PYGO1: variants seen among roughly 807,000 people sequenced by gnomAD.
PYGO1 encodes the protein pygopus homolog 1.
In PYGO1, 6 loss-of-function variants were observed where a neutral mutation model predicts 29.5. The observed-to-expected ratio is 0.20, with a 90% confidence interval of 0.11 to 0.40. PYGO1 has a LOEUF of 0.40. Among genes scored for constraint, PYGO1 ranks in the 10% least tolerant of loss-of-function variants. The pLI is 1.00. For synonymous variants in PYGO1, 186 were observed against 180.5 expected (o/e 1.03, Z -0.24); for missense variants, 515 against 514.9 (o/e 1.00, Z 0.00).
intron 1 of PYGO1, among the ~76,000 whole-genome samples, chr15:55,557,205 C>T (rs1468704171): frequency 6.6e-6 from 1 of 152,138 alleles, no homozygotes; most frequent in African/African-American, 2.4e-5. Context: ...TGAGAGAATA[C>T]TATAAACACG....
intron 2 of PYGO1, among the ~76,000 whole-genome samples, chr15:55,548,052 C>T (rs534263743): frequency 2.0e-5 from 3 of 152,070 alleles, no homozygotes; most frequent in East Asian, 1.9e-4. Flanking sequence ...CAGAGTCTCA[C>T]GCTGTCACCA....
intron 1 of PYGO1, among the ~76,000 whole-genome samples, chr15:55,557,385 C>G (rs192734305): frequency 6.6e-6 from 1 of 152,074 alleles, no homozygotes; most frequent in African/African-American, 2.4e-5. Context: ...CAGGACCAGA[C>G]GGATTCACAG....
rs2058852559 is a variant in PYGO1 at position 55,546,666 on chromosome 15, G to A, written c.617C>T (p.Pro206Leu). Residue 206 changes from proline (P) to leucine (L), a missense_variant, in exon 3 of 3, where the codon CCT becomes CTT. Coordinates refer to ENST00000563719, the MANE Select transcript of PYGO1 (RefSeq NM_001367806.1). ...SNPDLASNFVPGNNSNFTSPL... is the reference protein window; with the variant it reads ...SNPDLASNFVLGNNSNFTSPL... ...AGAAGTAAAATTTGAATTATTTCCA[G>A]GAACAAAATTAGATGCCAAATCGGG... is the stretch of plus-strand genomic sequence containing the variant. 1 of 1,613,996 alleles carries A rather than the reference G, an allele frequency of 6.2e-7. No individual in the cohort carries two copies. The highest frequency in any genetic ancestry group is 1.3e-5 in the African/African-American group (1 of 74,994).
Position 55,546,398 on chromosome 15 carries a change from T to C in PYGO1, c.885A>G (p.Thr295=), listed in dbSNP as rs770190386. 6.2e-7 allele frequency: 1 copy of C among 1,614,224 alleles called. No homozygotes were observed. Among genetic ancestry groups the C allele is most frequent in the Non-Finnish European group, 8.5e-7 (1 of 1,180,032 alleles). ...GCGTCCCATTTGCAGGGTTATTGTT[T>C]GTGGCTTCAGTGCTACTTGAACGGC... The part of the protein sequence containing the change: ...ENSRSSSTEA[T]NNNPANGTQN... The change falls in exon 3 of 3, where the codon ACA becomes ACG. Residue 295 remains threonine (T), a synonymous_variant. Transcript: ENST00000563719.
intron 1 of PYGO1, among the ~76,000 whole-genome samples, chr15:55,578,350 GT>G (rs1940730617): frequency 6.6e-6 from 1 of 151,766 alleles, no homozygotes. Context: ...GTATAAGCAT[GT>G]TTTCAATCCT....
chr15:55,580,820 G>A (rs535942957), intron 1 of PYGO1, among the ~76,000 whole-genome samples: 4 of 152,156 alleles, frequency 2.6e-5, no homozygotes, highest in African/African-American at 4.8e-5. Flanking sequence ...TAGACCTATC[G>A]GGTTGCCTAA....
intron 1 of PYGO1, among the ~76,000 whole-genome samples, chr15:55,578,543 C>T (rs970376854): frequency 1.8e-4 from 27 of 152,262 alleles, no homozygotes; most frequent in African/African-American, 6.3e-4. Flanking sequence ...ATATAGCCTC[C>T]TAGTGAATGA....
intron 1 of PYGO1, among the ~76,000 whole-genome samples, chr15:55,553,084 G>A (rs575031625): frequency 1.3e-5 from 2 of 152,226 alleles, no homozygotes; most frequent in Non-Finnish European, 2.9e-5. Context: ...CAGTCTGGAC[G>A]AAGGGGAGTG....
chr15:55,583,935 G>A (rs767424328), intron 1 of PYGO1, among the ~76,000 whole-genome samples: 1 of 151,998 alleles, frequency 6.6e-6, no homozygotes, highest in Non-Finnish European at 1.5e-5. Flanking sequence ...CATCACTTAA[G>A]ACAAAAGAAC....
chr15:55,554,968 T>C lies in PYGO1; in HGVS notation c.50-5973A>G, dbSNP rs533129633. Among the ~76,000 whole-genome samples, 586 of 152,092 alleles carry C rather than the reference T, an allele frequency of 3.9e-3. 6 individuals are homozygous for C. The highest frequency in any genetic ancestry group is 0.013 in the African/African-American group (559 of 41,512). On this transcript the variant is annotated intron_variant, in intron 1 of 2. Transcript: ENST00000563719. ...ATCATCCAGGAGAACATCCCCAACC[T>C]AGCAAGACAGGCCAACATTCAAAAT...
rs964840465 is a variant in PYGO1 at position 55,588,066 on chromosome 15, TCGGGGCGG to T, written c.-191_-184del. On this transcript the variant is annotated 5_prime_UTR_variant, in exon 1 of 3. Transcript: ENST00000563719. ...CAAAGTTTGGGAGGAGGACGAGGCC[TCGGGGCGG>T]CGGGGCGGCGGGGCGGCGTGCGGGC... The T allele has an allele frequency of 5.6e-4, 611 of 1,081,726 alleles. 2 individuals are homozygous for T. Among genetic ancestry groups the T allele is most frequent in the South Asian group, 1.7e-3 (40 of 24,166 alleles). The allele number at this position is 1,081,726 out of a possible 1,614,324, so 67.0% of individuals were successfully genotyped here. A position where few individuals can be genotyped will look rare whatever the true frequency, so the allele number is the denominator to read the frequency against.
intron 1 of PYGO1, among the ~76,000 whole-genome samples, chr15:55,554,029 A>C (rs950770498): frequency 6.6e-6 from 1 of 152,206 alleles, no homozygotes; most frequent in African/African-American, 2.4e-5. Flanking sequence ...ACCCCATCCA[A>C]AGGTCAGCAA....
intron 1 of PYGO1, among the ~76,000 whole-genome samples, chr15:55,552,065 C>T (rs1193007205): frequency 6.6e-6 from 1 of 151,900 alleles, no homozygotes; most frequent in Non-Finnish European, 1.5e-5. Flanking sequence ...TGATTAGAAG[C>T]AGCTGTGGGC....
In PYGO1 at chr15:55,573,941, C is replaced by A. The variant is rs567880201; in HGVS notation, c.49+13894G>T. Among the ~76,000 whole-genome samples, 17 of 152,248 alleles carry A rather than the reference C, an allele frequency of 1.1e-4. No individual in the cohort carries two copies. The South Asian group carries it at 3.5e-3, about 32-fold the overall frequency. Reference sequence around the variant, plus strand: ...ACTATATGTTTTCATTGTCTATTTACAAGATGAATCATCTGTCTGAAATGG... The same window carrying A: ...ACTATATGTTTTCATTGTCTATTTAAAAGATGAATCATCTGTCTGAAATGG... On this transcript the variant is annotated intron_variant, in intron 1 of 2. Transcript: ENST00000563719.
At chr15:55,561,013 G>C (rs762028217) in intron 1 of PYGO1, among the ~76,000 whole-genome samples, 4 of 151,992 alleles carry the variant, frequency 2.6e-5, no homozygotes, top group Non-Finnish European at 5.9e-5. Flanking sequence ...AACCAGAAAA[G>C]AGCCCAAATA....
chr15:55,566,942 G>A (rs1449368201), intron 1 of PYGO1, among the ~76,000 whole-genome samples: 6 of 152,078 alleles, frequency 3.9e-5, no homozygotes, highest in African/African-American at 1.4e-4. Context: ...ATGCTGTCCA[G>A]ACTGATCTCG....
chr15:55,546,654 G>A lies in PYGO1; in HGVS notation c.629C>T (p.Ser210Leu). ...AGATTCTAACGGAGAAGTAAAATTT[G>A]AATTATTTCCAGGAACAAAATTAGA... ...LASNFVPGNN[S>L]NFTSPLESNH... Residue 210 changes from serine to leucine, a missense_variant, in exon 3 of 3, where the codon TCA (serine) becomes TTA (leucine). Coordinates refer to ENST00000563719, the MANE Select transcript of PYGO1 (RefSeq NM_001367806.1). 1 of 1,613,972 alleles carries A rather than the reference G, an allele frequency of 6.2e-7. No homozygotes were observed. Among genetic ancestry groups the A allele is most frequent in the Non-Finnish European group, 8.5e-7 (1 of 1,179,968 alleles).
At position 55,577,006 on chromosome 15, in the gene PYGO1, T is replaced by TAAA. The variant is rs5812805; in HGVS notation, c.49+10826_49+10828dup. The stretch of plus-strand genomic sequence containing the variant: ...TTCCTAAATAAGATAGCAACAAAGA[T>TAAA]AAAAAAAAAAACTACATACCTCCCT... On this transcript the variant is annotated intron_variant, in intron 1 of 2. Transcript: ENST00000563719. Among the ~76,000 whole-genome samples the TAAA allele has an allele frequency of 7.5e-3, 1,107 of 148,568 alleles. 14 individuals are homozygous for TAAA. Among genetic ancestry groups the TAAA allele is most frequent in the East Asian group, 0.074 (372 of 5,052 alleles).
At chr15:55,583,965 T>G (rs2059035970) in intron 1 of PYGO1, among the ~76,000 whole-genome samples, 1 of 152,202 alleles carries the variant, frequency 6.6e-6, no homozygotes, top group African/African-American at 2.4e-5. Context: ...TTCTTAGAAT[T>G]CTTCTCCTTC....
Sources: gnomAD v4.1 joint callset for allele counts (sites outside exome capture counted in the v4.1 genomes callset) on GRCh38, gnomAD v4.1.1 for gene constraint, MANE v1.5 for transcripts, NCBI Gene and HGNC (gene_info 2026-07-23, HGNC 2026-07-21) for gene names.